The following FCHO2 variants were observed in gnomAD, a reference collection of about 807,000 sequenced individuals.
FCHO2 encodes F-BAR domain only protein 2.
Under a neutral mutation model 114.1 loss-of-function variants are expected in FCHO2, and 43 were observed. That is an observed-to-expected ratio of 0.38 (90% CI 0.30 to 0.49). The LOEUF (loss-of-function observed/expected upper bound fraction) is 0.49. Ranked by LOEUF, FCHO2 falls within the 20% of genes least tolerant of loss-of-function variation. The pLI is 0.97. For synonymous variants in FCHO2, 293 were observed against 315.2 expected (o/e 0.93, Z 0.75); for missense variants, 807 against 950.4 (o/e 0.85, Z 1.98).
At position 73,063,905 on chromosome 5, in the gene FCHO2, A is replaced by G; in HGVS notation, c.1410A>G (p.Pro470=). 11 of 1,611,780 alleles carry G rather than the reference A, an allele frequency of 6.8e-6. No homozygotes were observed. The highest frequency in any genetic ancestry group is 9.3e-6 in the Non-Finnish European group (11 of 1,178,784). ...CACCTCCGAGGCCTGCTTCCAGACC[A>G]AAGCTTACTTCAGGCAAACTCAGTG... ...IVPPPRPASR[P]KLTSGKLSGI... The change falls in exon 18 of 26, where the codon CCA becomes CCG. Residue 470 remains proline (P), a synonymous_variant. Transcript: ENST00000430046.
intron 24 of FCHO2, among the ~76,000 whole-genome samples, chr5:73,084,255 G>GTTTT (rs1554076110): frequency 2.6e-5 from 4 of 151,568 alleles, no homozygotes; most frequent in African/African-American, 9.7e-5. Context: ...TTTAGGGTTT[G>GTTTT]GTTTTGTTTT....
At chr5:73,020,578 C>G (rs1755563199) in intron 8 of FCHO2, 1 of 654,858 alleles carries the variant, frequency 1.5e-6, no homozygotes, top group Non-Finnish European at 2.8e-6. Flanking sequence ...TGTCGTGCAA[C>G]AGCAGTAGTA....
chr5:73,012,118 G>A (rs1334355522), intron 6 of FCHO2, among the ~76,000 whole-genome samples: 1 of 152,108 alleles, frequency 6.6e-6, no homozygotes. Context: ...GTGCTATGCG[G>A]TACTTTTATG....
Position 73,006,423 on chromosome 5 carries a change from TTTTTA to T in FCHO2, c.496-9_496-5del, listed in dbSNP as rs1468983239. ...AAAAGGTCAATGCACAGTTAAAAGT[TTTTTA>T]TTTTATTTTATTACAGGCAGCTGTT... is the stretch of plus-strand genomic sequence containing the variant. On this transcript the variant is annotated splice_polypyrimidine_tract_variant and intron_variant, in intron 5 of 25. Transcript: ENST00000430046. 1.5e-5 allele frequency: 22 copies of T among 1,424,990 alleles called. No homozygotes were observed. Among genetic ancestry groups the T allele is most frequent in the Admixed American group, 6.3e-5 (2 of 31,966 alleles). The allele number at this position is 1,424,990 out of a possible 1,614,324, so 88.3% of individuals were successfully genotyped here.
Position 73,015,610 on chromosome 5 carries a change from T to C in FCHO2, c.601-16T>C, listed in dbSNP as rs768035482. 2.3e-5 allele frequency: 32 copies of C among 1,416,892 alleles called. 1 individual carries two copies. Among genetic ancestry groups the C allele is most frequent in the Admixed American group, 1.9e-4 (9 of 47,382 alleles). 87.8% of individuals were successfully genotyped at this position (1,416,892 alleles called of 1,614,324 possible). On this transcript the variant is annotated splice_polypyrimidine_tract_variant and intron_variant, in intron 6 of 25. Coordinates refer to ENST00000430046, the MANE Select transcript of FCHO2 (RefSeq NM_138782.3). ...TGTATATGTTATAAATCTATAACTT[T>C]GTATATGTTACCCAGAAATTTCAAG...
chr5:73,007,939 A>G (rs984445834), intron 6 of FCHO2, among the ~76,000 whole-genome samples: 2 of 152,166 alleles, frequency 1.3e-5, no homozygotes, highest in Admixed American at 6.6e-5. Context: ...TGAGTAAGAA[A>G]TTAATAGGGC....
chr5:72,962,849 C>T (rs1317546501), intron 1 of FCHO2, among the ~76,000 whole-genome samples: 8 of 151,630 alleles, frequency 5.3e-5, no homozygotes, highest in East Asian at 1.9e-4. Flanking sequence ...GCCGAGATCA[C>T]GCCACTGTAC....
chr5:73,059,094 CTCTTT>C (rs558082335), intron 17 of FCHO2, among the ~76,000 whole-genome samples: 160 of 152,252 alleles, frequency 1.1e-3, no homozygotes, highest in African/African-American at 3.7e-3. Flanking sequence ...TATGAAGTTT[CTCTTT>C]TCATTAGTCA....
At chr5:73,038,111 A>G (rs527552652) in intron 10 of FCHO2, 1 of 153,712 alleles carries the variant, frequency 6.5e-6, no homozygotes, top group African/African-American at 2.4e-5. Context: ...ATATGTAATA[A>G]ACATGTAAGA....
chr5:73,064,012 TA>T (rs1561488319), intron 18 of FCHO2, 68 bp downstream of exon 18: 12 of 1,396,708 alleles, frequency 8.6e-6, no homozygotes, highest in Non-Finnish European at 1.2e-5. Flanking sequence ...TATTTTTCTA[TA>T]TGCCCTTTTA....
intron 22 of FCHO2, among the ~76,000 whole-genome samples, chr5:73,079,248 A>C (rs995871992): frequency 6.6e-6 from 1 of 152,122 alleles, no homozygotes; most frequent in African/African-American, 2.4e-5. Context: ...TAAAGGCACA[A>C]ACCACCGCTC....
At chr5:73,050,263 T>TTCCC (rs1276298362) in intron 11 of FCHO2, among the ~76,000 whole-genome samples, 2 of 151,824 alleles carry the variant, frequency 1.3e-5, no homozygotes, top group East Asian at 3.9e-4. Flanking sequence ...CAGGTTCCCC[T>TTCCC]TCCCTCCCTC....
At chr5:73,051,283 T>A in intron 11 of FCHO2, 66 bp from the exon 12 acceptor site, 1 of 1,129,032 alleles carries the variant, frequency 8.9e-7, no homozygotes, top group South Asian at 1.4e-5. Flanking sequence ...TGAGGCTACT[T>A]TGATAATCTC....
intron 15 of FCHO2, chr5:73,055,172 A>G (rs1268752512): frequency 3.1e-5 from 8 of 256,616 alleles, no homozygotes; most frequent in Non-Finnish European, 5.7e-5. Context: ...TAAGGATTTT[A>G]TCTTTAAAGA....
At chr5:73,046,616 G>GA (rs201473071) in intron 11 of FCHO2, among the ~76,000 whole-genome samples, 2 of 151,780 alleles carry the variant, frequency 1.3e-5, no homozygotes, top group South Asian at 2.1e-4. Context: ...AAAGTATTTT[G>GA]AAAAAAACCT....
intron 8 of FCHO2, among the ~76,000 whole-genome samples, chr5:73,034,209 A>G (rs1756377565): frequency 6.6e-6 from 1 of 152,190 alleles, no homozygotes; most frequent in African/African-American, 2.4e-5. Flanking sequence ...TACAGTGATG[A>G]ACAGGACAGA....
At chr5:72,959,511 A>G (rs1751736374) in intron 1 of FCHO2, among the ~76,000 whole-genome samples, 1 of 152,230 alleles carries the variant, frequency 6.6e-6, no homozygotes, top group Non-Finnish European at 1.5e-5. Context: ...TGTCTCAAAA[A>G]CAGAAAACTA....
intron 19 of FCHO2, among the ~76,000 whole-genome samples, chr5:73,073,087 A>T (rs1439019983): frequency 1.3e-5 from 2 of 152,038 alleles, no homozygotes; most frequent in African/African-American, 4.8e-5. Context: ...TTATATTTAT[A>T]ATCAGTAAAT....
chr5:73,002,026 A>G (rs1167469039), intron 5 of FCHO2, among the ~76,000 whole-genome samples: 5 of 152,204 alleles, frequency 3.3e-5, no homozygotes, highest in Non-Finnish European at 7.3e-5. Context: ...ATCAGAGGGT[A>G]CGCTTCATAA....
Sources: gnomAD v4.1 joint callset for allele counts (sites outside exome capture counted in the v4.1 genomes callset) on GRCh38, gnomAD v4.1.1 for gene constraint, MANE v1.5 for transcripts, NCBI Gene and HGNC (gene_info 2026-07-23, HGNC 2026-07-21) for gene names.